SFMBT2: variants seen among roughly 807,000 people sequenced by gnomAD.
The protein encoded by SFMBT2 is Scm like with four mbt domains 2, also known as scm-like with four MBT domains protein 2.
In SFMBT2, 38 loss-of-function variants were observed where a neutral mutation model predicts 110.1. That is an observed-to-expected ratio of 0.35 (90% CI 0.27 to 0.45). The LOEUF (loss-of-function observed/expected upper bound fraction) is 0.45. SFMBT2 is among the 20% of genes least tolerant of loss of function. The pLI is 1.00. For missense variants in SFMBT2, 1,011 were observed against 1,094.9 expected (o/e 0.92, Z 1.08); for synonymous variants, 425 against 425.4 (o/e 1.00, Z 0.01).
intron 4 of SFMBT2, among the ~76,000 whole-genome samples, chr10:7,320,082 GAGAGAC>G (rs1337165557): frequency 6.6e-6 from 1 of 151,970 alleles, no homozygotes; most frequent in Non-Finnish European, 1.5e-5. Flanking sequence ...TAGAGACAGA[GAGAGAC>G]AGAGACAGAG....
intron 11 of SFMBT2, among the ~76,000 whole-genome samples, chr10:7,217,776 T>C (rs1588349686): frequency 6.6e-6 from 1 of 152,208 alleles, no homozygotes; most frequent in East Asian, 1.9e-4. Flanking sequence ...ATGAACAATA[T>C]TCACAGTTAC....
At chr10:7,253,286 G>A (rs1322197289) in intron 7 of SFMBT2, among the ~76,000 whole-genome samples, 1 of 152,166 alleles carries the variant, frequency 6.6e-6, no homozygotes, top group Admixed American at 6.5e-5. Flanking sequence ...TCCAAGGAGG[G>A]GGTTTCAGGA....
intron 2 of SFMBT2, among the ~76,000 whole-genome samples, chr10:7,374,618 C>G (rs1230376793): frequency 6.6e-6 from 1 of 152,178 alleles, no homozygotes; most frequent in Non-Finnish European, 1.5e-5. Flanking sequence ...ACCAGGAGGT[C>G]AGAGGGTGCC....
chr10:7,343,634 TA>T (rs201903993), intron 4 of SFMBT2, among the ~76,000 whole-genome samples: 1 of 152,268 alleles, frequency 6.6e-6, no homozygotes, highest in East Asian at 1.9e-4. Flanking sequence ...ATTTCCCTAA[TA>T]ATTAATGATA....
intron 16 of SFMBT2, among the ~76,000 whole-genome samples, chr10:7,178,520 G>A (rs534754538): frequency 3.9e-5 from 6 of 152,052 alleles, no homozygotes; most frequent in Admixed American, 2.6e-4. Flanking sequence ...TTCCTTAAAC[G>A]TAACTATTTA....
chr10:7,283,245 G>C (rs576572509), intron 6 of SFMBT2, among the ~76,000 whole-genome samples: 4 of 152,358 alleles, frequency 2.6e-5, no homozygotes, highest in Admixed American at 2.6e-4. Flanking sequence ...AGGTATGACA[G>C]AGAGCATAAG....
intron 10 of SFMBT2, among the ~76,000 whole-genome samples, chr10:7,221,873 C>T (rs1368932781): frequency 6.6e-6 from 1 of 152,210 alleles, no homozygotes; most frequent in Non-Finnish European, 1.5e-5. Flanking sequence ...AATCAACACA[C>T]AGAACCATCC....
intron 7 of SFMBT2, among the ~76,000 whole-genome samples, chr10:7,273,471 T>A (rs1008431717): frequency 6.6e-6 from 1 of 152,184 alleles, no homozygotes; most frequent in South Asian, 2.1e-4. Context: ...CACATTTTTT[T>A]AATGTATTTT....
intron 11 of SFMBT2, chr10:7,207,586 C>A (rs1839194596): frequency 1.0e-6 from 1 of 981,956 alleles, no homozygotes; most frequent in African/African-American, 1.7e-5. Flanking sequence ...ACCTGGTGAG[C>A]CCCATTACCA....
chr10:7,377,335 C>T (rs1254942927), intron 2 of SFMBT2, among the ~76,000 whole-genome samples: 1 of 152,126 alleles, frequency 6.6e-6, no homozygotes, highest in Non-Finnish European at 1.5e-5. Context: ...GCACCAGGGA[C>T]TGGTTTTGTG....
At position 7,393,017 on chromosome 10, in the gene SFMBT2, ATATATATATATATATATAAT is replaced by A. The variant is rs1564473060; in HGVS notation, c.-51-11088_-51-11069del. Among the ~76,000 whole-genome samples, 30 of 73,422 alleles carry A rather than the reference ATATATATATATATATATAAT, an allele frequency of 4.1e-4. 1 individual carries two copies. The highest frequency in any genetic ancestry group is 5.6e-4 in the Non-Finnish European group (23 of 41,084). 48.2% of individuals were successfully genotyped at this position (73,422 alleles called of 152,430 possible). On this transcript the variant is annotated intron_variant, in intron 1 of 20. Coordinates refer to ENST00000397167, the MANE Select transcript of SFMBT2 (RefSeq NM_001387889.1). ...TATATATATATATATATATATATAT[ATATATATATATATATATAAT>A]TTTTTTTTTTTTGAGACAAGAGTCT... is the stretch of plus-strand genomic sequence containing the variant.
chr10:7,230,287 T>C (rs544493963), intron 9 of SFMBT2, among the ~76,000 whole-genome samples: 11 of 152,268 alleles, frequency 7.2e-5, no homozygotes, highest in Admixed American at 5.9e-4. Flanking sequence ...GGCTCCTGCA[T>C]CAAAGATTTC....
chr10:7,389,784 A>G (rs762205893), intron 1 of SFMBT2, among the ~76,000 whole-genome samples: 1 of 152,164 alleles, frequency 6.6e-6, no homozygotes, highest in Non-Finnish European at 1.5e-5. Flanking sequence ...TTCAAATCTA[A>G]AATTTTATCA....
intron 1 of SFMBT2, among the ~76,000 whole-genome samples, chr10:7,382,644 C>T (rs540046710): frequency 2.6e-5 from 4 of 152,224 alleles, no homozygotes; most frequent in African/African-American, 9.6e-5. Context: ...CCACCCCCCA[C>T]ACAACCTCAG....
At chr10:7,205,105 C>CAAA in intron 12 of SFMBT2, 2 of 260,608 alleles carry the variant, frequency 7.7e-6, no homozygotes, top group African/African-American at 2.3e-5. Flanking sequence ...GACAGAGTCT[C>CAAA]ACCCTGTCAC....
intron 20 of SFMBT2, among the ~76,000 whole-genome samples, chr10:7,165,002 A>G (rs954555113): frequency 2.0e-5 from 3 of 152,172 alleles, no homozygotes; most frequent in Non-Finnish European, 4.4e-5. Context: ...CTGTCTCTTC[A>G]GCAGCTTGCT....
chr10:7,246,718 C>CAAAAAAAAA (rs397949347), intron 8 of SFMBT2, among the ~76,000 whole-genome samples: 1 of 72,150 alleles, frequency 1.4e-5, no homozygotes, highest in African/African-American at 5.9e-5. Context: ...GACTCCATCT[C>CAAAAAAAAA]AAAAAAAAAA....
chr10:7,215,260 C>G (rs1839495189), intron 11 of SFMBT2, among the ~76,000 whole-genome samples: 1 of 152,074 alleles, frequency 6.6e-6, no homozygotes, highest in Admixed American at 6.6e-5. Context: ...AAGAAATTAG[C>G]CAGGTGTGGT....
At chr10:7,348,985 G>C (rs1844211061) in intron 4 of SFMBT2, among the ~76,000 whole-genome samples, 1 of 152,124 alleles carries the variant, frequency 6.6e-6, no homozygotes, top group African/African-American at 2.4e-5. Flanking sequence ...GAGAAATGGA[G>C]AGAGTCCTGG....
Sources: allele counts gnomAD v4.1 joint callset (sites outside exome capture counted in the v4.1 genomes callset), GRCh38; gene constraint gnomAD v4.1.1; transcripts MANE v1.5; gene names NCBI Gene and HGNC (gene_info 2026-07-23, HGNC 2026-07-21).